UCHL5: variants seen among roughly 807,000 people sequenced by gnomAD.
The protein encoded by UCHL5 is ubiquitin C-terminal hydrolase L5.
Under a neutral mutation model 53.8 loss-of-function variants are expected in UCHL5, and 34 were observed. The observed-to-expected ratio is 0.63, with a 90% CI of 0.48 to 0.84. UCHL5 has a LOEUF of 0.84. Ranked by LOEUF, UCHL5 falls within the 40% of genes least tolerant of loss-of-function variation. UCHL5 has a pLI of 0.00. For synonymous variants in UCHL5, 111 were observed against 126.3 expected (o/e 0.88, Z 0.81); for missense variants, 290 against 385.6 (o/e 0.75, Z 2.08).
At chr1:193,060,051 G>T (rs2102998268), upstream of UCHL5, 1 of 1,335,188 alleles carries the variant, frequency 7.5e-7, no homozygotes, top group Non-Finnish European at 1.0e-6. Flanking sequence ...TGTCGGCATC[G>T]CTCCCCACAG....
At chr1:193,033,549 A>C (rs1662287301) in intron 3 of UCHL5, among the ~76,000 whole-genome samples, 1 of 151,960 alleles carries the variant, frequency 6.6e-6, no homozygotes, top group Non-Finnish European at 1.5e-5. Context: ...TAAAAAAATT[A>C]TTGTCAATCT....
intron 3 of UCHL5, among the ~76,000 whole-genome samples, chr1:193,035,351 C>T (rs1387288289): frequency 6.6e-6 from 1 of 151,844 alleles, no homozygotes; most frequent in East Asian, 1.9e-4. Flanking sequence ...TAAGGGAAAA[C>T]AAGCAAACAA....
At chr1:193,017,755 T>C (rs1472910131) in intron 10 of UCHL5, among the ~76,000 whole-genome samples, 2 of 151,490 alleles carry the variant, frequency 1.3e-5, no homozygotes, top group African/African-American at 4.8e-5. Flanking sequence ...TTATTAAAAT[T>C]AAAAATAATT....
chr1:193,043,151 TAAAAAAAAAAAAA>T (rs200951342), intron 3 of UCHL5, among the ~76,000 whole-genome samples: 1 of 36,376 alleles, frequency 2.7e-5, no homozygotes, highest in Non-Finnish European at 5.6e-5. Flanking sequence ...TCTTGAATAT[TAAAAAAAAAAAAA>T]AAAAAAAAAA....
intron 3 of UCHL5, among the ~76,000 whole-genome samples, chr1:193,041,414 A>T (rs1665525780): frequency 6.6e-6 from 1 of 152,220 alleles, no homozygotes; most frequent in Non-Finnish European, 1.5e-5. Context: ...GACATAAGCC[A>T]AGACAAAAAT....
intron 10 of UCHL5, chr1:193,020,253 T>C: frequency 6.6e-7 from 1 of 1,512,308 alleles, no homozygotes; most frequent in African/African-American, 1.4e-5. Flanking sequence ...ACAGCTTGGT[T>C]GAAATCAATC....
In UCHL5 at chr1:193,049,852, C is replaced by T; in HGVS notation, c.141-1G>A. On this transcript the variant is annotated splice_acceptor_variant, in intron 2 of 10. Transcript: ENST00000367454. LOFTEE classifies it high-confidence loss of function. ...AAGAAAAATTAACCCATGAACTGGC[C>T]TACAAAATAAAATACAAATTAATGA... 1 of 1,603,460 alleles carries T rather than the reference C, an allele frequency of 6.2e-7. No individual in the cohort carries two copies. The highest frequency in any genetic ancestry group is 8.5e-7 in the Non-Finnish European group (1 of 1,173,588).
chr1:193,052,855 A>ATGTGGGT (rs1455440267), intron 1 of UCHL5, among the ~76,000 whole-genome samples: 1 of 152,204 alleles, frequency 6.6e-6, no homozygotes, highest in Non-Finnish European at 1.5e-5. Flanking sequence ...CCAGAAACCT[A>ATGTGGGT]ATTAAAACCC....
chr1:193,047,563 C>T (rs1241521924), intron 3 of UCHL5, among the ~76,000 whole-genome samples: 1 of 152,166 alleles, frequency 6.6e-6, no homozygotes, highest in Non-Finnish European at 1.5e-5. Flanking sequence ...AGCTTTATCT[C>T]AAGGGCAGTA....
chr1:193,029,033 A>T, intron 6 of UCHL5, 146 bp downstream of exon 6: 1 of 865,496 alleles, frequency 1.2e-6, no homozygotes, highest in Non-Finnish European at 1.7e-6. Flanking sequence ...TTAATATAAC[A>T]CACTGAAGAG....
chr1:193,017,876 A>G (rs1042249960), intron 10 of UCHL5, among the ~76,000 whole-genome samples: 15 of 151,518 alleles, frequency 9.9e-5, no homozygotes, highest in African/African-American at 2.2e-4. Context: ...AAGAGGTTAT[A>G]AGAAAGTAAA....
At chr1:193,020,106 G>A (rs1656395570) in intron 10 of UCHL5, 1 of 984,812 alleles carries the variant, frequency 1.0e-6, no homozygotes, top group Non-Finnish European at 1.2e-6. Context: ...TAATGGAAAA[G>A]AGAAGATTTA....
chr1:193,038,542 T>C (rs1436630452), intron 3 of UCHL5, among the ~76,000 whole-genome samples: 2 of 151,218 alleles, frequency 1.3e-5, no homozygotes, highest in African/African-American at 2.4e-5. Context: ...CAACGTAATA[T>C]TGCAAGTCCT....
At chr1:193,032,754 T>A (rs1046483903) in intron 3 of UCHL5, among the ~76,000 whole-genome samples, 1 of 152,206 alleles carries the variant, frequency 6.6e-6, no homozygotes, top group African/African-American at 2.4e-5. Flanking sequence ...GACATTTATG[T>A]GGCCAACAAA....
At chr1:193,024,130 C>T (rs374277946) in intron 7 of UCHL5, among the ~76,000 whole-genome samples, 184 bp from the exon 8 acceptor site, 2 of 152,086 alleles carry the variant, frequency 1.3e-5, no homozygotes, top group East Asian at 3.9e-4. Flanking sequence ...CTCCCAGCTA[C>T]TTGGGAGGCT....
chr1:193,019,831 T>G (rs1656263464), intron 10 of UCHL5: 1 of 943,978 alleles, frequency 1.1e-6, no homozygotes, highest in Non-Finnish European at 1.3e-6. Flanking sequence ...AATGCAAAAT[T>G]TATACATTTA....
rs775732308 is a variant in UCHL5 at position 193,037,962 on chromosome 1, A to C, written c.247-8305T>G. On this transcript the variant is annotated intron_variant, in intron 3 of 10. Coordinates refer to ENST00000367454, the MANE Select transcript of UCHL5 (RefSeq NM_001199261.3). ...TCATCCAGGGATGCAAGATGGTTCAATATGTGCTAATCAATAAATGTGATA... is the reference window on the plus strand; with the variant it reads ...TCATCCAGGGATGCAAGATGGTTCACTATGTGCTAATCAATAAATGTGATA... 9.8e-4 allele frequency among the ~76,000 whole-genome samples: 149 copies of C among 152,150 alleles called. 2 individuals carry two copies. The highest frequency in any genetic ancestry group is 6.8e-3 in the Middle Eastern group (2 of 294).
At chr1:193,036,246 C>A (rs1663340841) in intron 3 of UCHL5, among the ~76,000 whole-genome samples, 1 of 148,428 alleles carries the variant, frequency 6.7e-6, no homozygotes, top group Admixed American at 6.7e-5. Flanking sequence ...TACAAATAAC[C>A]CACCGCATCT....
chr1:193,016,092 C>G lies in UCHL5; in HGVS notation c.*259G>C. 5.0e-6 allele frequency: 2 copies of G among 397,130 alleles called. No individual in the cohort carries two copies. The highest frequency in any genetic ancestry group is 9.0e-6 in the Non-Finnish European group (2 of 222,356). The allele number at this position is 397,130 out of a possible 1,614,324, so 24.6% of individuals were successfully genotyped here. On this transcript the variant is annotated 3_prime_UTR_variant, in exon 11 of 11. Coordinates refer to ENST00000367454, the MANE Select transcript of UCHL5 (RefSeq NM_001199261.3). ...ATATGGTAGTTAGACAACCAGAAAA[C>G]TAACAGTTGTCAGACTCAATGTCAA...
Sources: gnomAD v4.1 joint callset for allele counts (sites outside exome capture counted in the v4.1 genomes callset) on GRCh38, gnomAD v4.1.1 for gene constraint, MANE v1.5 for transcripts, NCBI Gene and HGNC (gene_info 2026-07-23, HGNC 2026-07-21) for gene names.